The following KCP variants were observed in gnomAD, a reference collection of about 807,000 sequenced individuals.
The protein encoded by KCP is kielin/chordin-like protein.
In KCP, 194 loss-of-function variants were observed where a neutral mutation model predicts 212.7. The observed-to-expected ratio is 0.91, with a 90% CI of 0.81 to 1.03. The LOEUF (loss-of-function observed/expected upper bound fraction) is 1.03, where lower values mean the gene tolerates loss of function less well. Among genes scored for constraint, KCP ranks in the 50% least tolerant of loss-of-function variants. The pLI, the probability that KCP is intolerant of heterozygous loss-of-function variation, is 0.00. For synonymous variants in KCP, 833 were observed against 865.3 expected, an observed-to-expected ratio of 0.96 and a Z score of 0.65; for missense variants, 2,080 against 2,162.5, an observed-to-expected ratio of 0.96 and a Z score of 0.76.
rs1358811326 is a variant in KCP at position 128,892,723 on chromosome 7, C to T, written c.1492G>A (p.Asp498Asn). ...QVYANGQNFTDADSPCHACHC... is the reference protein window; with the variant it reads ...QVYANGQNFTNADSPCHACHC... ...CAGGCATGGCAAGGGCTGTCTGCATCCGTGAAGTTCTGCCCATTGGCATAC... is the reference window on the plus strand; with the variant it reads ...CAGGCATGGCAAGGGCTGTCTGCATTCGTGAAGTTCTGCCCATTGGCATAC... Residue 498 changes from aspartate to asparagine, a missense_variant, in exon 15 of 40, where the codon GAT (aspartate) becomes AAT (asparagine). Coordinates refer to ENST00000610776, the MANE Select transcript of KCP (RefSeq NM_001366122.1). 1 of 1,551,568 alleles carries T rather than the reference C, an allele frequency of 6.4e-7. No individual in the cohort carries two copies. Among genetic ancestry groups the T allele is most frequent in the Non-Finnish European group, 8.7e-7 (1 of 1,146,968 alleles).
intron 29 of KCP, among the ~76,000 whole-genome samples, chr7:128,883,572 A>G (rs1262051128): frequency 6.6e-6 from 1 of 152,240 alleles, no homozygotes; most frequent in East Asian, 1.9e-4. Context: ...GTAAACAACT[A>G]TTAAATCCAG....
chr7:128,885,129 T>C lies in KCP; in HGVS notation c.3008A>G (p.Gln1003Arg). The C allele has an allele frequency of 3.9e-6, 6 of 1,550,814 alleles. No homozygotes were observed. The highest frequency in any genetic ancestry group is 5.2e-6 in the Non-Finnish European group (6 of 1,146,986). Residue 1003 changes from glutamine to arginine, a missense_variant, in exon 27 of 40, where the codon CAA becomes CGA. By Grantham distance (43) the Gln-to-Arg change is conservative (BLOSUM62 1). Transcript: ENST00000610776. ...QCISSCAQPR[Q>R]GPHDCCPQCS... ...TTGAGGACAGCAGTCATGGGGCCCTTGGCGGGGCTGGGCGCAAGAGCTGAT... is the reference window on the plus strand; with the variant it reads ...TTGAGGACAGCAGTCATGGGGCCCTCGGCGGGGCTGGGCGCAAGAGCTGAT...
chr7:128,891,597 G>A (rs1438474024), intron 17 of KCP, 49 bp downstream of exon 17: 2 of 1,516,316 alleles, frequency 1.3e-6, no homozygotes, highest in Middle Eastern at 1.8e-4. Context: ...TGCCTTCCGG[G>A]GGCCATGCCA....
intron 29 of KCP, among the ~76,000 whole-genome samples, chr7:128,883,595 G>A (rs183284745): frequency 1.3e-4 from 20 of 152,232 alleles, no homozygotes; most frequent in Admixed American, 2.0e-4. Context: ...GACAGAAATT[G>A]GCCATCTTTC....
At position 128,887,002 on chromosome 7, in the gene KCP, C is replaced by G. The variant is rs773087567; in HGVS notation, c.2599-36G>C. 4.4e-4 allele frequency: 509 copies of G among 1,160,290 alleles called. 3 individuals carry two copies. The Middle Eastern group carries it at 5.4e-3, about 12-fold the overall frequency. The allele number at this position is 1,160,290 out of a possible 1,614,324, so 71.9% of individuals were successfully genotyped here. A position where few individuals can be genotyped will look rare whatever the true frequency, so the allele number is the denominator to read the frequency against. ...GAGGCCCATCACACCCTCAACTGGA[C>G]TGCACATTTCCCCAGGGCTGGAGCC... is the stretch of plus-strand genomic sequence containing the variant. On this transcript the variant is annotated intron_variant, in intron 23 of 39. Transcript: ENST00000610776.
Position 128,893,448 on chromosome 7 carries a change from C to G in KCP, c.1128G>C (p.Gln376His), listed in dbSNP as rs764050607. 3.9e-6 allele frequency: 6 copies of G among 1,551,560 alleles called. No individual in the cohort carries two copies. The highest frequency in any genetic ancestry group is 3.5e-6 in the Non-Finnish European group (4 of 1,146,922). ...CTTGGAGTCTGAAGGTCTCCTGGCT[C>G]TGATACTGGTGTCCCTGGTACTCAC... ...DGCEYQGHQY[Q>H]SQETFRLQER... Residue 376 changes from glutamine to histidine, a missense_variant, in exon 12 of 40, where the codon CAG becomes CAC. Coordinates refer to ENST00000610776, the MANE Select transcript of KCP (RefSeq NM_001366122.1).
At chr7:128,893,139 A>G in intron 13 of KCP, 99 bp downstream of exon 13, 1 of 1,250,364 alleles carries the variant, frequency 8.0e-7, no homozygotes, top group Non-Finnish European at 1.1e-6. Context: ...TGGCTAGTGG[A>G]CTTAGCAACC....
chr7:128,887,165 G>A (rs1336610135), intron 23 of KCP, 50 bp downstream of exon 23: 1 of 1,463,224 alleles, frequency 6.8e-7, no homozygotes, highest in Admixed American at 2.0e-5. Flanking sequence ...TGGCCAGAGA[G>A]GAGTATCAAG....
At chr7:128,903,005 C>CCCCAGTGGCT in intron 7 of KCP, 146 bp from the exon 8 acceptor site, 2 of 656,158 alleles carry the variant, frequency 3.0e-6, no homozygotes, top group Middle Eastern at 3.4e-4. Context: ...TGCCTAGATT[C>CCCCAGTGGCT]CCCAGTGGCT....
intron 28 of KCP, 31 bp downstream of exon 28, chr7:128,884,750 G>A: frequency 6.5e-7 from 1 of 1,546,190 alleles, no homozygotes; most frequent in Non-Finnish European, 8.7e-7. Flanking sequence ...CCGACGAGGT[G>A]CCCCAGCCCC....
intron 1 of KCP, among the ~76,000 whole-genome samples, chr7:128,909,759 C>T (rs896000239): frequency 6.6e-6 from 1 of 152,162 alleles, no homozygotes; most frequent in African/African-American, 2.4e-5. Context: ...CTTTCCAGCC[C>T]CGCTACTTCT....
In KCP at chr7:128,878,816, G is replaced by A. The variant is rs371210361; in HGVS notation, c.4147-94C>T. On this transcript the variant is annotated intron_variant, in intron 37 of 39. Coordinates refer to ENST00000610776, the MANE Select transcript of KCP (RefSeq NM_001366122.1). ...TGGCCCCAGGCACTGTGTTCAGTGC[G>A]GCCAGTGCTGTAGGGGAGGAGAATG... 34 of 1,264,256 alleles carry A rather than the reference G, an allele frequency of 2.7e-5. No individual in the cohort carries two copies. In the South Asian group the frequency reaches 3.5e-4, roughly 13 times the overall value. The allele number at this position is 1,264,256 out of a possible 1,614,324, so 78.3% of individuals were successfully genotyped here.
intron 29 of KCP, among the ~76,000 whole-genome samples, chr7:128,883,450 G>A (rs1343704629): frequency 6.6e-6 from 1 of 152,020 alleles, no homozygotes; most frequent in East Asian, 1.9e-4. Flanking sequence ...TTTTTTCTAT[G>A]TAAGGATAAC....
chr7:128,887,988 C>CA (rs1793791678), intron 22 of KCP, among the ~76,000 whole-genome samples: 1 of 148,306 alleles, frequency 6.7e-6, no homozygotes, highest in South Asian at 2.2e-4. Context: ...CACCCACACA[C>CA]AGAGACCCCC....
At chr7:128,883,296 T>C (rs7784565) in intron 29 of KCP, among the ~76,000 whole-genome samples, 150,200 of 151,924 alleles carry the variant, frequency 0.99, 74,267 homozygotes, top group Middle Eastern at 1. Flanking sequence ...TGCCCCATCA[T>C]GCCCAGCTAA....
In KCP at chr7:128,886,724, C is replaced by G. The variant is rs759696900; in HGVS notation, c.2703G>C (p.Gln901His). ...FCPVCHSCLSQGREHQDGEEF... is the reference protein window; with the variant it reads ...FCPVCHSCLSHGREHQDGEEF... ...CCTCCCCATCCTGGTGCTCCCGGCC[C>G]TGAGAGAGACAGCCTGTGGGGGACA... The change falls in exon 25 of 40, where the codon CAG becomes CAC. Residue 901 changes from glutamine (Q) to histidine (H), a missense_variant. Coordinates refer to ENST00000610776, the MANE Select transcript of KCP (RefSeq NM_001366122.1). 4.6e-5 allele frequency: 72 copies of G among 1,551,626 alleles called. No homozygotes were observed. In the Middle Eastern group the frequency reaches 1.0e-3, roughly 22 times the overall value.
chr7:128,892,645 C>G (rs771863212), intron 15 of KCP, 38 bp from the exon 16 acceptor site: 5 of 1,551,066 alleles, frequency 3.2e-6, no homozygotes, highest in Non-Finnish European at 4.4e-6. Flanking sequence ...CGGGGCATGC[C>G]CAGGAGGGGC....
At chr7:128,887,842 C>T (rs867505732) in intron 22 of KCP, among the ~76,000 whole-genome samples, 3 of 132,384 alleles carry the variant, frequency 2.3e-5, no homozygotes, top group Middle Eastern at 3.9e-3. Context: ...CACACACACA[C>T]ATACACACAT....
chr7:128,893,376 G>C lies in KCP; in HGVS notation c.1185+15C>G, dbSNP rs368915392. 4.5e-6 allele frequency: 7 copies of C among 1,551,590 alleles called. No homozygotes were observed. Among genetic ancestry groups the C allele is most frequent in the Non-Finnish European group, 6.1e-6 (7 of 1,146,882 alleles). On this transcript the variant is annotated intron_variant, in intron 12 of 39. Coordinates refer to ENST00000610776, the MANE Select transcript of KCP (RefSeq NM_001366122.1). ...GAATGAGGCAGATCTGGGTGTGAGCGGAGGGACCGCCTACCTGGCAGGAGC... is the reference window on the plus strand; with the variant it reads ...GAATGAGGCAGATCTGGGTGTGAGCCGAGGGACCGCCTACCTGGCAGGAGC...
Sources: gnomAD v4.1 joint callset for allele counts (sites outside exome capture counted in the v4.1 genomes callset) on GRCh38, gnomAD v4.1.1 for gene constraint, MANE v1.5 for transcripts, NCBI Gene and HGNC (gene_info 2026-07-23, HGNC 2026-07-21) for gene names.